The following SPOPL variants were observed in gnomAD, a reference collection of about 807,000 sequenced individuals.
SPOPL encodes speckle-type POZ protein-like.
In SPOPL, 23 loss-of-function variants were observed where a neutral mutation model predicts 53.8. The observed-to-expected ratio is 0.43, with a 90% CI of 0.31 to 0.61. The LOEUF is 0.61. SPOPL is among the 20% of genes least tolerant of loss of function. The pLI is 0.12. For synonymous variants in SPOPL, 164 were observed against 149.7 expected (o/e 1.10, Z -0.70); for missense variants, 442 against 466.9 (o/e 0.95, Z 0.49).
intron 5 of SPOPL, among the ~76,000 whole-genome samples, chr2:138,555,131 G>GGTGTGTGTGTGTGTGTGT (rs61000380): frequency 5.7e-5 from 8 of 140,090 alleles, no homozygotes; most frequent in African/African-American, 2.1e-4. Context: ...AGGGTAGGAG[G>GGTGTGTGTGTGTGTGTGT]GTGTGTGTGT....
At chr2:138,545,918 C>G (rs1377862254) in intron 1 of SPOPL, among the ~76,000 whole-genome samples, 1 of 152,074 alleles carries the variant, frequency 6.6e-6, no homozygotes, top group Non-Finnish European at 1.5e-5. Context: ...TTTAGTGATT[C>G]ATAGATATTT....
At chr2:138,567,081 GA>G (rs1685676063) in intron 10 of SPOPL, among the ~76,000 whole-genome samples, 1 of 152,138 alleles carries the variant, frequency 6.6e-6, no homozygotes, top group South Asian at 2.1e-4. Flanking sequence ...GCACAGTATA[GA>G]GAATACAGTG....
chr2:138,538,737 G>A (rs1345249545), intron 1 of SPOPL, among the ~76,000 whole-genome samples: 1 of 149,598 alleles, frequency 6.7e-6, no homozygotes, highest in East Asian at 1.9e-4. Context: ...CTTCTTAGCT[G>A]TTTTCTTTTT....
At chr2:138,539,704 T>A (rs191488131) in intron 1 of SPOPL, among the ~76,000 whole-genome samples, 2 of 152,214 alleles carry the variant, frequency 1.3e-5, no homozygotes, top group African/African-American at 4.8e-5. Context: ...GTAGGTTGCC[T>A]GTTCACTCTG....
At chr2:138,563,595 T>G (rs186794856) in intron 8 of SPOPL, among the ~76,000 whole-genome samples, 2 of 152,282 alleles carry the variant, frequency 1.3e-5, no homozygotes, top group African/African-American at 4.8e-5. Context: ...CCATACTAAG[T>G]GTTATCAAGG....
chr2:138,548,211 T>C (rs2104889509), intron 1 of SPOPL, among the ~76,000 whole-genome samples: 1 of 151,644 alleles, frequency 6.6e-6, no homozygotes, highest in East Asian at 1.9e-4. Flanking sequence ...GTTCTTTTTC[T>C]ATTTCATTGA....
At position 138,545,526 on chromosome 2, in the gene SPOPL, C is replaced by T. The variant is rs992381231; in HGVS notation, c.-60-4631C>T. Among the ~76,000 whole-genome samples the T allele has an allele frequency of 7.9e-5, 12 of 152,100 alleles. No homozygotes were observed. In the South Asian group the frequency reaches 1.0e-3, roughly 13 times the overall value. On this transcript the variant is annotated intron_variant, in intron 1 of 10. Coordinates refer to ENST00000280098, the MANE Select transcript of SPOPL (RefSeq NM_001001664.3). ...TCAGCTCACTGCAAACTCTGCCTCCCGGGTTCACGCCATTCTCCTGCCTCA... is the reference window on the plus strand; with the variant it reads ...TCAGCTCACTGCAAACTCTGCCTCCTGGGTTCACGCCATTCTCCTGCCTCA...
At position 138,559,088 on chromosome 2, in the gene SPOPL, G is replaced by A. The variant is rs371493580; in HGVS notation, c.547G>A (p.Glu183Lys). The A allele has an allele frequency of 3.7e-6, 6 of 1,613,684 alleles. No individual in the cohort carries two copies. In the African/African-American group the frequency reaches 4.0e-5, roughly 11 times the overall value. The change falls in exon 6 of 11, where the codon GAG (glutamate) becomes AAG (lysine). Residue 183 changes from glutamate to lysine, a missense_variant. Glu to Lys is a moderately conservative substitution (Grantham distance 56, BLOSUM62 1). Transcript: ENST00000280098. ...TAATACAAATACTTTGAAGGTGCCT[G>A]AGTGTCGTCTAGCAGAAGATTTAGG... is the stretch of plus-strand genomic sequence containing the variant. Reference protein sequence around the residue: ...HTNTNTLKVPECRLAEDLGNL... With the variant: ...HTNTNTLKVPKCRLAEDLGNL...
chr2:138,505,266 C>T (rs1190287093), intron 1 of SPOPL, among the ~76,000 whole-genome samples: 1 of 152,104 alleles, frequency 6.6e-6, no homozygotes, highest in Non-Finnish European at 1.5e-5. Context: ...AGTCTTATGT[C>T]AAGCCTTATA....
intron 1 of SPOPL, among the ~76,000 whole-genome samples, chr2:138,538,631 C>A (rs188707068): frequency 6.6e-6 from 1 of 152,254 alleles, no homozygotes; most frequent in East Asian, 1.9e-4. Flanking sequence ...CATTGCCTAT[C>A]TGTTGGATCA....
intron 1 of SPOPL, among the ~76,000 whole-genome samples, chr2:138,537,298 G>T (rs1684957583): frequency 6.6e-6 from 1 of 152,096 alleles, no homozygotes; most frequent in Admixed American, 6.5e-5. Context: ...AAGGGCTTAT[G>T]ACTCTTAAGG....
In SPOPL at chr2:138,550,154, T is replaced by G; in HGVS notation, c.-60-3T>G. The G allele has an allele frequency of 2.0e-6, 3 of 1,470,572 alleles. No individual in the cohort carries two copies. Among genetic ancestry groups the G allele is most frequent in the Non-Finnish European group, 1.9e-6 (2 of 1,054,148 alleles). The allele number at this position is 1,470,572 out of a possible 1,614,324, so 91.1% of individuals were successfully genotyped here. A position where few individuals can be genotyped will look rare whatever the true frequency, so the allele number is the denominator to read the frequency against. On this transcript the variant is annotated splice_polypyrimidine_tract_variant and splice_region_variant and intron_variant, in intron 1 of 10. Coordinates refer to ENST00000280098, the MANE Select transcript of SPOPL (RefSeq NM_001001664.3). ...CAGTACATCAAACTTCTTTCCTTTG[T>G]AGGTAAGGTACTCAACTGTGTGGGG...
At chr2:138,504,504 G>C (rs905863473) in intron 1 of SPOPL, among the ~76,000 whole-genome samples, 13 of 152,178 alleles carry the variant, frequency 8.5e-5, no homozygotes, top group Non-Finnish European at 1.3e-4. Flanking sequence ...GGATAAAATT[G>C]ACATTTAACA....
chr2:138,570,898 TTA>T lies in SPOPL; in HGVS notation c.*1819_*1820del, dbSNP rs1685766361. On this transcript the variant is annotated 3_prime_UTR_variant, in exon 11 of 11. Transcript: ENST00000280098. Reference sequence around the variant, plus strand: ...AAGATCGTATTTTCACCTGTCTTCATTACTTTCTATGTAGTTTCATTCTTTGT... The same window carrying T: ...AAGATCGTATTTTCACCTGTCTTCATCTTTCTATGTAGTTTCATTCTTTGT... 1.3e-5 allele frequency: 2 copies of T among 152,278 alleles called. No individual in the cohort carries two copies. The highest frequency in any genetic ancestry group is 1.5e-5 in the Non-Finnish European group (1 of 67,994). The allele number at this position is 152,278 out of a possible 1,614,324, so 9.4% of individuals were successfully genotyped here. A position where few individuals can be genotyped will look rare whatever the true frequency, so the allele number is the denominator to read the frequency against.
Position 138,571,033 on chromosome 2 carries a change from T to C in SPOPL, c.*1953T>C, listed in dbSNP as rs1274318391. 1.3e-5 allele frequency: 2 copies of C among 152,150 alleles called. No homozygotes were observed. The highest frequency in any genetic ancestry group is 2.9e-5 in the Non-Finnish European group (2 of 68,016). The allele number at this position is 152,150 out of a possible 1,614,324, so 9.4% of individuals were successfully genotyped here. A position where few individuals can be genotyped will look rare whatever the true frequency, so the allele number is the denominator to read the frequency against. ...TCCTGTGTAAGAGTATTATGGGAAG[T>C]AGAAATTCACTTCCTTAAATCCATC... On this transcript the variant is annotated 3_prime_UTR_variant, in exon 11 of 11. Transcript: ENST00000280098.
chr2:138,541,692 G>A (rs987974581), intron 1 of SPOPL, among the ~76,000 whole-genome samples: 3 of 152,010 alleles, frequency 2.0e-5, no homozygotes, highest in South Asian at 2.1e-4. Flanking sequence ...ACCAGCTCCT[G>A]GATTCATTGA....
At chr2:138,560,531 G>C (rs1338570823) in intron 7 of SPOPL, among the ~76,000 whole-genome samples, 1 of 151,770 alleles carries the variant, frequency 6.6e-6, no homozygotes, top group African/African-American at 2.4e-5. Flanking sequence ...TGAATATCAG[G>C]ATATGGGCTC....
chr2:138,550,824 TCTTTC>T, intron 3 of SPOPL, 74 bp from the exon 4 acceptor site: 9 of 1,462,394 alleles, frequency 6.2e-6, no homozygotes, highest in Admixed American at 2.5e-5. Flanking sequence ...TCTCTCTCTC[TCTTTC>T]TCTCTCTCTC....
intron 1 of SPOPL, among the ~76,000 whole-genome samples, chr2:138,538,507 G>C (rs1268498720): frequency 6.6e-6 from 1 of 152,034 alleles, no homozygotes; most frequent in Non-Finnish European, 1.5e-5. Flanking sequence ...TCTTATGGTA[G>C]CATAGCCACC....
Sources: allele counts gnomAD v4.1 joint callset (sites outside exome capture counted in the v4.1 genomes callset), GRCh38; gene constraint gnomAD v4.1.1; transcripts MANE v1.5; gene names NCBI Gene and HGNC (gene_info 2026-07-23, HGNC 2026-07-21).